Variants in MICAL2 observed in about 807,000 individuals in gnomAD.
The protein encoded by MICAL2 is microtubule associated monooxygenase, calponin and LIM domain containing 2.
In MICAL2, 77 loss-of-function variants were observed where a neutral mutation model predicts 127.3. The ratio of observed to expected loss-of-function variants is 0.60; its 90% CI spans 0.50 to 0.73. The LOEUF (loss-of-function observed/expected upper bound fraction) is 0.73, where lower values mean the gene tolerates loss of function less well. Among genes scored for constraint, MICAL2 ranks in the 30% least tolerant of loss-of-function variants. The probability of loss-of-function intolerance (pLI) is 0.00; values close to 1 mark genes in which losing one functional copy is unlikely to be tolerated. For synonymous variants in MICAL2, 570 were observed against 551.1 expected (o/e 1.03, Z -0.48); for missense variants, 1,351 against 1,434.4 (o/e 0.94, Z 0.94).
intron 32 of MICAL2, among the ~76,000 whole-genome samples, chr11:12,343,666 C>T (rs946900560): frequency 6.6e-6 from 1 of 152,010 alleles, no homozygotes; most frequent in East Asian, 1.9e-4. Context: ...AAAACAACAA[C>T]AAAAAATGCT....
chr11:12,158,996 G>A (rs935431467), intron 2 of MICAL2, among the ~76,000 whole-genome samples: 11 of 152,186 alleles, frequency 7.2e-5, no homozygotes, highest in South Asian at 2.1e-4. Flanking sequence ...AGGGTGAGAT[G>A]GGTGTTTAGG....
At chr11:12,178,158 T>A (rs6485544) in intron 3 of MICAL2, among the ~76,000 whole-genome samples, 145,171 of 152,294 alleles carry the variant, frequency 0.95, 69,463 homozygotes, top group Non-Finnish European at 1. Flanking sequence ...AAGCTGCCAT[T>A]AAGACCCAAA....
At chr11:12,288,658 G>A (rs1003211258), downstream of MICAL2, among the ~76,000 whole-genome samples, 1 of 152,232 alleles carries the variant, frequency 6.6e-6, no homozygotes, top group Admixed American at 6.5e-5. Context: ...TGGCCCGGAG[G>A]AGGAACCCAA....
At chr11:12,302,217 G>A (rs775213913) in intron 29 of MICAL2, among the ~76,000 whole-genome samples, 1 of 152,192 alleles carries the variant, frequency 6.6e-6, no homozygotes, top group Admixed American at 6.5e-5. Flanking sequence ...GCCTAGTTAA[G>A]AAGAGGATTC....
intron 30 of MICAL2, among the ~76,000 whole-genome samples, chr11:12,323,459 T>C (rs1864322813): frequency 6.6e-6 from 1 of 152,172 alleles, no homozygotes; most frequent in South Asian, 2.1e-4. Flanking sequence ...TGTGTGTGTA[T>C]GTCTGTCTAC....
chr11:12,349,893 G>A (rs1204707981), exon 33 of MICAL2: 7 of 1,614,094 alleles, frequency 4.3e-6, no homozygotes, highest in Non-Finnish European at 5.1e-6. Flanking sequence ...AGCTGGTTCT[G>A]GAGAAGAATA....
intron 3 of MICAL2, among the ~76,000 whole-genome samples, chr11:12,181,387 T>C (rs1857463240): frequency 1.3e-5 from 2 of 152,266 alleles, no homozygotes; most frequent in Non-Finnish European, 2.9e-5. Context: ...GTACTATGAA[T>C]CTGATGGATT....
At chr11:12,274,203 A>G (rs1435013776), upstream of MICAL2, 1 of 152,184 alleles carries the variant, frequency 6.6e-6, no homozygotes, top group African/African-American at 2.4e-5. Context: ...CATCTTGAAG[A>G]GGAAAAATGA....
intron 34 of MICAL2, chr11:12,354,907 G>A (rs767100681): frequency 6.4e-7 from 1 of 1,551,492 alleles, no homozygotes; most frequent in Non-Finnish European, 8.8e-7. Context: ...AAAGGCTCCT[G>A]AGCAGCGTGT....
At position 12,256,924 on chromosome 11, in the gene MICAL2, G is replaced by A. The variant is rs778094597; in HGVS notation, c.3095G>A (p.Cys1032Tyr). The A allele has an allele frequency of 1.2e-6, 2 of 1,614,014 alleles. No individual in the cohort carries two copies. Among genetic ancestry groups the A allele is most frequent in the African/African-American group, 2.7e-5 (2 of 74,952 alleles). ...CGGGAGTGTTTCCGCTGCAGCATCT[G>A]TGCCACCACCTTGCGCCTGGCCGCC... Reference protein sequence around the residue: ...FHRECFRCSICATTLRLAAYT... With the variant: ...FHRECFRCSIYATTLRLAAYT... Residue 1032 changes from cysteine to tyrosine, a missense_variant, in exon 24 of 28, where the codon TGT (cysteine) becomes TAT (tyrosine). Cys to Tyr is a radical substitution (Grantham distance 194, BLOSUM62 -2). Coordinates refer to ENST00000683283, the MANE Select transcript of MICAL2 (RefSeq NM_001282663.2).
intron 29 of MICAL2, among the ~76,000 whole-genome samples, chr11:12,316,911 A>AAGGG (rs1864238737): frequency 6.6e-6 from 1 of 151,994 alleles, no homozygotes; most frequent in Non-Finnish European, 1.5e-5. Context: ...ATTCCCCGTG[A>AAGGG]TTTTTCTGTG....
At chr11:12,227,722 T>C (rs575140688) in intron 15 of MICAL2, among the ~76,000 whole-genome samples, 4 of 152,328 alleles carry the variant, frequency 2.6e-5, no homozygotes, top group African/African-American at 9.6e-5. Flanking sequence ...TCTCAACTTA[T>C]AGCACCCTTA....
chr11:12,310,813 C>T (rs1432758089), intron 29 of MICAL2, among the ~76,000 whole-genome samples: 3 of 151,984 alleles, frequency 2.0e-5, no homozygotes, highest in African/African-American at 7.2e-5. Flanking sequence ...GATGAGACTT[C>T]TTTCCATGTT....
At chr11:12,164,502 G>A (rs949390650) in intron 3 of MICAL2, among the ~76,000 whole-genome samples, 3 of 152,162 alleles carry the variant, frequency 2.0e-5, no homozygotes, top group Non-Finnish European at 4.4e-5. Flanking sequence ...ATATTAACAG[G>A]AAGGTCCAGA....
chr11:12,321,940 A>T (rs1184379107), intron 30 of MICAL2, among the ~76,000 whole-genome samples: 1 of 152,066 alleles, frequency 6.6e-6, no homozygotes, highest in African/African-American at 2.4e-5. Flanking sequence ...TGTTGTGTCT[A>T]AACGGTATTT....
chr11:12,330,910 T>A (rs1272450467), intron 32 of MICAL2, among the ~76,000 whole-genome samples: 24 of 116,554 alleles, frequency 2.1e-4, no homozygotes, highest in African/African-American at 6.7e-4. Context: ...AGTGTGTGTG[T>A]GTGTGTGTGT....
intron 26 of MICAL2, chr11:12,262,091 T>A: frequency 9.1e-7 from 1 of 1,104,098 alleles, no homozygotes; most frequent in Non-Finnish European, 1.1e-6. Flanking sequence ...AAATCTGAGA[T>A]GTTTGTACGC....
chr11:12,168,324 A>G (rs2133853411), intron 3 of MICAL2, among the ~76,000 whole-genome samples: 1 of 149,824 alleles, frequency 6.7e-6, no homozygotes, highest in Non-Finnish European at 1.5e-5. Flanking sequence ...TACACACATC[A>G]CACATACATA....
chr11:12,260,009 A>T lies in MICAL2; in HGVS notation c.3334+112A>T, dbSNP rs748846266. ...CAAGCTGCTGGCCTCCATATCAGGGACAATGCTTACAACTACTGCTACATG... is the reference window on the plus strand; with the variant it reads ...CAAGCTGCTGGCCTCCATATCAGGGTCAATGCTTACAACTACTGCTACATG... On this transcript the variant is annotated intron_variant, in intron 26 of 27. Coordinates refer to ENST00000683283, the MANE Select transcript of MICAL2 (RefSeq NM_001282663.2). 1.9e-5 allele frequency: 30 copies of T among 1,550,540 alleles called. No individual in the cohort carries two copies. In the South Asian group the frequency reaches 3.3e-4, roughly 17 times the overall value.
Sources: gnomAD v4.1 joint callset for allele counts (sites outside exome capture counted in the v4.1 genomes callset) on GRCh38, gnomAD v4.1.1 for gene constraint, MANE v1.5 for transcripts, NCBI Gene and HGNC (gene_info 2026-07-23, HGNC 2026-07-21) for gene names.